PLCH1: variants seen among roughly 807,000 people sequenced by gnomAD.
The protein encoded by PLCH1 is 1-phosphatidylinositol 4,5-bisphosphate phosphodiesterase eta-1.
A neutral mutation model predicts 126.7 loss-of-function variants in PLCH1; 60 were observed. The ratio of observed to expected loss-of-function variants is 0.47; its 90% CI spans 0.38 to 0.59. PLCH1 has a LOEUF of 0.59. Ranked by LOEUF, PLCH1 falls within the 20% of genes least tolerant of loss-of-function variation. PLCH1 has a pLI of 0.00. For synonymous variants in PLCH1, 719 were observed against 734.9 expected (o/e 0.98, Z 0.35); for missense variants, 1,723 against 2,040.0 (o/e 0.84, Z 2.99).
At chr3:155,497,714 A>C (rs1717257467) in intron 14 of PLCH1, among the ~76,000 whole-genome samples, 1 of 152,040 alleles carries the variant, frequency 6.6e-6, no homozygotes, top group Non-Finnish European at 1.5e-5. Context: ...ACAATTCATG[A>C]GATTTTTTTT....
chr3:155,728,421 G>A (rs1373176242), intron 1 of PLCH1, among the ~76,000 whole-genome samples: 4 of 151,976 alleles, frequency 2.6e-5, no homozygotes, highest in Admixed American at 6.6e-5. Flanking sequence ...TAGTCCTTTC[G>A]ACTATCCAAA....
chr3:155,469,448 G>A (rs1713077814), intron 21 of PLCH1, among the ~76,000 whole-genome samples: 1 of 152,212 alleles, frequency 6.6e-6, no homozygotes, highest in Admixed American at 6.5e-5. Context: ...CTCGCTGATT[G>A]CTAGCACAGC....
At chr3:155,690,303 G>C (rs187523845) in intron 2 of PLCH1, among the ~76,000 whole-genome samples, 2 of 152,344 alleles carry the variant, frequency 1.3e-5, no homozygotes, top group Admixed American at 1.3e-4. Context: ...AGGAATAACA[G>C]ATTATTCTGA....
intron 1 of PLCH1, among the ~76,000 whole-genome samples, chr3:155,712,832 GCCGTC>G (rs897287815): frequency 2.0e-4 from 31 of 151,226 alleles, no homozygotes; most frequent in South Asian, 1.3e-3. Context: ...CACCCTGACT[GCCGTC>G]TCCACCTCTT....
intron 1 of PLCH1, among the ~76,000 whole-genome samples, chr3:155,717,748 G>C (rs532078705): frequency 4.3e-4 from 66 of 152,354 alleles, no homozygotes; most frequent in African/African-American, 1.3e-3. Context: ...TGTGATGAGA[G>C]GGGCTGCGGT....
At chr3:155,648,509 G>C (rs1424413819) in intron 2 of PLCH1, among the ~76,000 whole-genome samples, 5 of 152,140 alleles carry the variant, frequency 3.3e-5, no homozygotes, top group Non-Finnish European at 7.3e-5. Context: ...AAGGAGAAAG[G>C]CCGGGTCACA....
chr3:155,608,309 C>A (rs533511570), intron 2 of PLCH1, among the ~76,000 whole-genome samples: 175 of 152,286 alleles, frequency 1.1e-3, no homozygotes, highest in African/African-American at 4.1e-3. Context: ...TGAGCATGAA[C>A]TTTCTTGAGC....
intron 2 of PLCH1, among the ~76,000 whole-genome samples, chr3:155,627,854 A>C (rs1405271531): frequency 6.7e-6 from 1 of 149,242 alleles, no homozygotes; most frequent in Non-Finnish European, 1.5e-5. Flanking sequence ...TGCAACCTCC[A>C]CCTCCTGAGT....
chr3:155,708,465 G>C (rs1314382659), intron 1 of PLCH1, among the ~76,000 whole-genome samples: 1 of 152,168 alleles, frequency 6.6e-6, no homozygotes, highest in African/African-American at 2.4e-5. Context: ...AAGGATGTGT[G>C]GCTTGCAAGA....
intron 21 of PLCH1, among the ~76,000 whole-genome samples, chr3:155,456,514 C>T (rs187382656): frequency 1.8e-3 from 273 of 152,278 alleles, no homozygotes; most frequent in African/African-American, 6.2e-3. Context: ...ACCTGGGCAA[C>T]CTCACTTGAT....
chr3:155,529,870 G>A (rs1236247184), intron 10 of PLCH1, among the ~76,000 whole-genome samples: 10 of 152,136 alleles, frequency 6.6e-5, no homozygotes, highest in African/African-American at 1.4e-4. Context: ...GGGTTCAAGC[G>A]ATTCTCCTGC....
intron 8 of PLCH1, among the ~76,000 whole-genome samples, chr3:155,558,169 C>T (rs1486300142): frequency 6.6e-6 from 1 of 152,154 alleles, no homozygotes; most frequent in Non-Finnish European, 1.5e-5. Context: ...GTAGAGAGAA[C>T]CTCCAGGTCA....
In PLCH1 at chr3:155,500,688, G is replaced by C. The variant is rs1403644749; in HGVS notation, c.1796+15C>G. On this transcript the variant is annotated intron_variant, in intron 14 of 22. Transcript: ENST00000460012. ...CTCAGGAGTGTGAGTAGGAAACATG[G>C]AGATGCTTTCTTACCTGTACAGCTG... 40 of 1,536,844 alleles carry C rather than the reference G, an allele frequency of 2.6e-5. No homozygotes were observed. Among genetic ancestry groups the C allele is most frequent in the Non-Finnish European group, 3.5e-5 (39 of 1,110,466 alleles).
At chr3:155,578,392 ATTT>A (rs1730242752) in intron 6 of PLCH1, among the ~76,000 whole-genome samples, 2 of 152,228 alleles carry the variant, frequency 1.3e-5, no homozygotes, top group African/African-American at 4.8e-5. Context: ...TGAATCTGTT[ATTT>A]CTAAAACATA....
chr3:155,523,778 A>C, intron 11 of PLCH1, 119 bp downstream of exon 11: 1 of 617,850 alleles, frequency 1.6e-6, no homozygotes, highest in South Asian at 2.4e-5. Flanking sequence ...ATTTTCAATG[A>C]ATATCCTTTC....
chr3:155,616,556 A>T, intron 2 of PLCH1, among the ~76,000 whole-genome samples: 1 of 152,296 alleles, frequency 6.6e-6, no homozygotes, highest in Admixed American at 6.5e-5. Context: ...TTATGATTAA[A>T]CTTGTTTAAA....
At chr3:155,645,656 T>C (rs1177278387) in intron 2 of PLCH1, among the ~76,000 whole-genome samples, 1 of 151,802 alleles carries the variant, frequency 6.6e-6, no homozygotes, top group Non-Finnish European at 1.5e-5. Context: ...TTTTTCTTTT[T>C]TTTCAGTAGT....
intron 2 of PLCH1, among the ~76,000 whole-genome samples, chr3:155,686,525 G>A (rs1441550799): frequency 3.3e-5 from 5 of 152,202 alleles, no homozygotes; most frequent in Non-Finnish European, 7.3e-5. Context: ...AACACACGGT[G>A]TGGCATGGTA....
chr3:155,654,332 T>A (rs972424250), intron 2 of PLCH1, among the ~76,000 whole-genome samples: 1 of 151,982 alleles, frequency 6.6e-6, no homozygotes, highest in African/African-American at 2.4e-5. Flanking sequence ...TCTTTAGTGA[T>A]CCTAGCAAGT....
Sources: gnomAD v4.1 joint callset for allele counts (sites outside exome capture counted in the v4.1 genomes callset) on GRCh38, gnomAD v4.1.1 for gene constraint, MANE v1.5 for transcripts, NCBI Gene and HGNC (gene_info 2026-07-23, HGNC 2026-07-21) for gene names.